Variants in SLC9B1 observed in about 807,000 individuals in gnomAD.
SLC9B1 encodes the protein solute carrier family 9 member B1.
In SLC9B1, 32 loss-of-function variants were observed where a neutral mutation model predicts 51.7. The ratio of observed to expected loss-of-function variants is 0.62; its 90% CI spans 0.47 to 0.83. The LOEUF (loss-of-function observed/expected upper bound fraction) is 0.83, where lower values mean the gene tolerates loss of function less well. Among genes scored for constraint, SLC9B1 ranks in the 40% least tolerant of loss-of-function variants. SLC9B1 has a pLI of 0.00. For missense variants in SLC9B1, 406 were observed against 613.2 expected, an observed-to-expected ratio of 0.66 and a Z score of 3.57; for synonymous variants, 145 against 212.7, an observed-to-expected ratio of 0.68 and a Z score of 2.77.
At chr4:102,933,679 G>T (rs1256199600) in intron 6 of SLC9B1, among the ~76,000 whole-genome samples, 1 of 152,066 alleles carries the variant, frequency 6.6e-6, no homozygotes, top group Non-Finnish European at 1.5e-5. Flanking sequence ...TTCCAATGGG[G>T]TTTTCTCCAC....
intron 7 of SLC9B1, among the ~76,000 whole-genome samples, chr4:102,919,840 A>G (rs1025182821): frequency 1.3e-4 from 20 of 152,218 alleles, no homozygotes; most frequent in African/African-American, 4.8e-4. Flanking sequence ...GCGAGGTGGC[A>G]GCCTGGCTGG....
intron 11 of SLC9B1, chr4:102,892,914 C>T (rs1166309266): frequency 6.6e-6 from 1 of 151,980 alleles, no homozygotes; most frequent in Non-Finnish European, 1.5e-5. Context: ...TTAAGAAACT[C>T]AAAACTCACA....
Position 102,961,247 on chromosome 4 carries a change from CTT to C in SLC9B1, c.212-11822_212-11821del, listed in dbSNP as rs1232943290. 3.0e-5 allele frequency among the ~76,000 whole-genome samples: 3 copies of C among 99,648 alleles called. No individual in the cohort carries two copies. The Admixed American group carries it at 3.1e-4, about 10-fold the overall frequency. 65.4% of individuals were successfully genotyped at this position (99,648 alleles called of 152,430 possible). A position where few individuals can be genotyped will look rare whatever the true frequency, so the allele number is the denominator to read the frequency against. On this transcript the variant is annotated intron_variant, in intron 3 of 11. Coordinates refer to ENST00000296422, the MANE Select transcript of SLC9B1 (RefSeq NM_139173.4). ...CAAGGAGTCCTGAAAGTGTTAATAACTTTTGATGCAAAGATAATTTTATGAAA... is the reference window on the plus strand; with the variant it reads ...CAAGGAGTCCTGAAAGTGTTAATAACTTGATGCAAAGATAATTTTATGAAA...
chr4:102,960,629 C>T (rs188312945), intron 3 of SLC9B1, among the ~76,000 whole-genome samples: 22 of 151,900 alleles, frequency 1.4e-4, no homozygotes, highest in Admixed American at 2.0e-4. Context: ...GCTTAAATTC[C>T]GATACACATC....
At chr4:102,977,730 G>A (rs531105797) in intron 3 of SLC9B1, among the ~76,000 whole-genome samples, 4 of 152,186 alleles carry the variant, frequency 2.6e-5, no homozygotes, top group South Asian at 4.2e-4. Context: ...TGCAGTATAT[G>A]GCTAAGCAAT....
intron 7 of SLC9B1, among the ~76,000 whole-genome samples, chr4:102,920,923 A>G (rs552695244): frequency 6.6e-6 from 1 of 152,390 alleles, no homozygotes; most frequent in Non-Finnish European, 1.5e-5. Flanking sequence ...AAAAGACCAA[A>G]TCTACATTTG....
At chr4:103,002,978 CT>C (rs888455145) in intron 1 of SLC9B1, among the ~76,000 whole-genome samples, 1 of 152,110 alleles carries the variant, frequency 6.6e-6, no homozygotes, top group Non-Finnish European at 1.5e-5. Flanking sequence ...TCTAAAACTT[CT>C]TATATAAAAA....
chr4:102,955,455 A>G (rs1737735647), intron 3 of SLC9B1, among the ~76,000 whole-genome samples: 1 of 152,092 alleles, frequency 6.6e-6, no homozygotes, highest in Non-Finnish European at 1.5e-5. Flanking sequence ...GCTGGGAAAA[A>G]CAGTAGTTTT....
chr4:102,935,623 T>G (rs1163925496), intron 6 of SLC9B1, among the ~76,000 whole-genome samples: 1 of 152,224 alleles, frequency 6.6e-6, no homozygotes, highest in Non-Finnish European at 1.5e-5. Context: ...TTGAGATGGA[T>G]AAACCTCAAG....
intron 1 of SLC9B1, among the ~76,000 whole-genome samples, chr4:103,005,213 A>T (rs1740717226): frequency 6.6e-6 from 1 of 151,984 alleles, no homozygotes; most frequent in Admixed American, 6.6e-5. Flanking sequence ...ATGCAATGAT[A>T]ACTATAAGCT....
chr4:103,000,443 T>C (rs1362494627), intron 1 of SLC9B1, among the ~76,000 whole-genome samples: 2 of 152,244 alleles, frequency 1.3e-5, no homozygotes, highest in East Asian at 3.8e-4. Context: ...CAATGTCTCA[T>C]CTGAAACAAG....
chr4:102,963,077 A>G (rs1383259386), intron 3 of SLC9B1: 7 of 422,702 alleles, frequency 1.7e-5, no homozygotes, highest in Non-Finnish European at 3.3e-5. Flanking sequence ...TTGAACCTCA[A>G]CTACAGAGAG....
At chr4:102,961,228 G>A (rs191537435) in intron 3 of SLC9B1, among the ~76,000 whole-genome samples, 67 of 152,276 alleles carry the variant, frequency 4.4e-4, no homozygotes, top group African/African-American at 1.6e-3. Flanking sequence ...CGTACAAGGA[G>A]TCCTGAAAGT....
intron 7 of SLC9B1, among the ~76,000 whole-genome samples, chr4:102,923,137 T>C (rs2110446582): frequency 6.6e-6 from 1 of 152,250 alleles, no homozygotes; most frequent in South Asian, 2.1e-4. Flanking sequence ...CCAATATCCC[T>C]ATGAACATTG....
At chr4:102,995,878 C>T (rs564756116) in intron 1 of SLC9B1, among the ~76,000 whole-genome samples, 1 of 152,126 alleles carries the variant, frequency 6.6e-6, no homozygotes, top group Non-Finnish European at 1.5e-5. Flanking sequence ...ATATTAAGCA[C>T]TTAACATGAA....
intron 11 of SLC9B1, chr4:102,891,437 T>C (rs1734244893): frequency 6.6e-6 from 1 of 152,218 alleles, no homozygotes; most frequent in African/African-American, 2.4e-5. Flanking sequence ...GGATTCTGCA[T>C]ACAACTGTCT....
At chr4:102,957,059 C>G (rs1341641307) in intron 3 of SLC9B1, among the ~76,000 whole-genome samples, 1 of 152,034 alleles carries the variant, frequency 6.6e-6, no homozygotes, top group Non-Finnish European at 1.5e-5. Flanking sequence ...GGTTCAGTAG[C>G]ATATTTGACC....
intron 3 of SLC9B1, among the ~76,000 whole-genome samples, chr4:102,950,780 G>T (rs1286598567): frequency 9.2e-5 from 14 of 152,242 alleles, no homozygotes. Context: ...GATCACCTGA[G>T]CTCAGGAGTT....
downstream of SLC9B1, among the ~76,000 whole-genome samples, chr4:102,899,563 G>A (rs1337675781): frequency 7.9e-5 from 12 of 151,740 alleles, no homozygotes; most frequent in Non-Finnish European, 1.3e-4. Flanking sequence ...ACAGGTGTGC[G>A]CCACCACACC....
Sources: allele counts gnomAD v4.1 joint callset (sites outside exome capture counted in the v4.1 genomes callset), GRCh38; gene constraint gnomAD v4.1.1; transcripts MANE v1.5; gene names NCBI Gene and HGNC (gene_info 2026-07-23, HGNC 2026-07-21).